Variants in SGCZ observed in about 807,000 individuals in gnomAD.
The protein encoded by SGCZ is zeta-sarcoglycan.
In SGCZ, 40 loss-of-function variants were observed where a neutral mutation model predicts 41.3. The observed-to-expected ratio is 0.97, with a 90% CI of 0.75 to 1.26. The LOEUF (loss-of-function observed/expected upper bound fraction) is 1.26. Among genes scored for constraint, SGCZ ranks in the 50% most tolerant of loss-of-function variants. The pLI, the probability that SGCZ is intolerant of heterozygous loss-of-function variation, is 0.00. For missense variants in SGCZ, 552 were observed against 369.8 expected (o/e 1.49, Z -4.04); for synonymous variants, 206 against 137.5 (o/e 1.50, Z -3.49).
chr8:14,887,913 G>A lies in SGCZ; in HGVS notation c.40-332987C>T, dbSNP rs539768598. Among the ~76,000 whole-genome samples, 15 of 152,204 alleles carry A rather than the reference G, an allele frequency of 9.9e-5. 1 individual carries two copies. The East Asian group carries it at 2.9e-3, about 29-fold the overall frequency. ...GAGTTGTATCCCATTGTGTTTACCA[G>A]AAACTGGGATCTGAGGGAAATAGGA... is the stretch of plus-strand genomic sequence containing the variant. On this transcript the variant is annotated intron_variant, in intron 1 of 7. Coordinates refer to ENST00000382080, the MANE Select transcript of SGCZ (RefSeq NM_139167.4).
chr8:14,662,069 A>G (rs1807768540), intron 1 of SGCZ, among the ~76,000 whole-genome samples: 1 of 152,170 alleles, frequency 6.6e-6, no homozygotes, highest in African/African-American at 2.4e-5. Context: ...ATCCTTTCAT[A>G]TATCTTAGAA....
intron 5 of SGCZ, among the ~76,000 whole-genome samples, chr8:14,118,865 T>C (rs1363333852): frequency 1.3e-5 from 2 of 152,218 alleles, no homozygotes; most frequent in Non-Finnish European, 2.9e-5. Flanking sequence ...AAAGATCAGA[T>C]GGTTGTGGAT....
Position 14,480,428 on chromosome 8 carries a change from C to T in SGCZ, c.234+74304G>A, listed in dbSNP as rs1287928905. ...TTGCCAAATCCACCTTATCTCCCCA[C>T]AAAATTTGAAGTTTCCTAAATTTCT... On this transcript the variant is annotated intron_variant, in intron 2 of 7. Coordinates refer to ENST00000382080, the MANE Select transcript of SGCZ (RefSeq NM_139167.4). Among the ~76,000 whole-genome samples, 3 of 152,150 alleles carry T rather than the reference C, an allele frequency of 2.0e-5. No individual in the cohort carries two copies. The South Asian group carries it at 6.2e-4, about 31-fold the overall frequency.
intron 1 of SGCZ, among the ~76,000 whole-genome samples, chr8:14,990,319 G>A (rs1801964858): frequency 6.6e-6 from 1 of 152,022 alleles, no homozygotes; most frequent in African/African-American, 2.4e-5. Flanking sequence ...TTGAGGCCAG[G>A]GTCCCTAATC....
intron 1 of SGCZ, among the ~76,000 whole-genome samples, chr8:15,161,478 C>T (rs1799510583): frequency 2.0e-5 from 3 of 152,086 alleles, no homozygotes; most frequent in Admixed American, 1.3e-4. Flanking sequence ...TTCATGAGGG[C>T]CAGGGCTGTA....
chr8:14,762,245 T>A (rs73199275), intron 1 of SGCZ, among the ~76,000 whole-genome samples: 9 of 152,158 alleles, frequency 5.9e-5, no homozygotes. Flanking sequence ...TATGGAGTCA[T>A]GAATAAATCT....
chr8:14,428,583 A>G (rs540921626), intron 2 of SGCZ, among the ~76,000 whole-genome samples: 36 of 152,308 alleles, frequency 2.4e-4, no homozygotes, highest in African/African-American at 8.4e-4. Context: ...AATTGTTTCT[A>G]CTGATCCGTG....
chr8:14,699,640 T>C (rs1473717301), intron 1 of SGCZ, among the ~76,000 whole-genome samples: 4 of 151,962 alleles, frequency 2.6e-5, no homozygotes, highest in African/African-American at 9.7e-5. Flanking sequence ...CTAAAGAGCT[T>C]CTGCACAGCA....
intron 2 of SGCZ, among the ~76,000 whole-genome samples, chr8:14,451,042 C>A (rs887992028): frequency 6.6e-6 from 1 of 152,170 alleles, no homozygotes; most frequent in African/African-American, 2.4e-5. Flanking sequence ...GCAGAGGGTA[C>A]TTGTTTTAAG....
At chr8:14,524,441 A>C (rs1802880173) in intron 2 of SGCZ, among the ~76,000 whole-genome samples, 1 of 152,018 alleles carries the variant, frequency 6.6e-6, no homozygotes, top group Non-Finnish European at 1.5e-5. Flanking sequence ...GCTGCTCTTT[A>C]TATGACCCTC....
intron 2 of SGCZ, among the ~76,000 whole-genome samples, chr8:14,387,764 C>G (rs74409064): frequency 0.049 from 7,403 of 151,784 alleles, 593 homozygotes; most frequent in African/African-American, 0.17. Context: ...TGTTATTTAC[C>G]AATTACTCCC....
At chr8:14,892,170 A>G in intron 1 of SGCZ, among the ~76,000 whole-genome samples, 1 of 152,206 alleles carries the variant, frequency 6.6e-6, no homozygotes, top group East Asian at 1.9e-4. Context: ...CTCCTGAAAG[A>G]CTGCTTACTT....
intron 1 of SGCZ, among the ~76,000 whole-genome samples, chr8:15,068,746 ACC>A (rs1805243534): frequency 6.6e-6 from 1 of 152,206 alleles, no homozygotes; most frequent in African/African-American, 2.4e-5. Context: ...ATACATTAAG[ACC>A]ATTTAAGACA....
intron 1 of SGCZ, among the ~76,000 whole-genome samples, chr8:14,603,574 A>G (rs967750100): frequency 2.0e-5 from 3 of 152,172 alleles, no homozygotes; most frequent in African/African-American, 7.2e-5. Flanking sequence ...AGATCATGAT[A>G]AAGGTTTTAG....
chr8:14,790,968 T>A (rs990477885), intron 1 of SGCZ, among the ~76,000 whole-genome samples: 3 of 151,154 alleles, frequency 2.0e-5, no homozygotes, highest in African/African-American at 7.3e-5. Flanking sequence ...GAGGCAAAGG[T>A]TGCAGTGAGC....
chr8:14,143,380 C>T (rs1225250071), intron 5 of SGCZ, among the ~76,000 whole-genome samples: 1 of 152,072 alleles, frequency 6.6e-6, no homozygotes, highest in Non-Finnish European at 1.5e-5. Flanking sequence ...ATAAAATTTT[C>T]TCTATTTGAA....
chr8:14,115,487 G>C (rs1187804182), intron 5 of SGCZ, among the ~76,000 whole-genome samples: 1 of 151,840 alleles, frequency 6.6e-6, no homozygotes, highest in African/African-American at 2.4e-5. Flanking sequence ...AGAAGATTAA[G>C]ATTCCTAGGT....
intron 2 of SGCZ, among the ~76,000 whole-genome samples, chr8:14,387,314 A>G (rs1464907301): frequency 6.6e-6 from 1 of 152,206 alleles, no homozygotes; most frequent in African/African-American, 2.4e-5. Context: ...GGTCTCCCAA[A>G]GCACTGAGAT....
intron 4 of SGCZ, among the ~76,000 whole-genome samples, chr8:14,229,788 C>T (rs1049088757): frequency 7.9e-5 from 12 of 152,030 alleles, no homozygotes; most frequent in South Asian, 4.1e-4. Flanking sequence ...ATTGCTTTAA[C>T]GCAAGATTGC....
Sources: allele counts gnomAD v4.1 joint callset (sites outside exome capture counted in the v4.1 genomes callset), GRCh38; gene constraint gnomAD v4.1.1; transcripts MANE v1.5; gene names NCBI Gene and HGNC (gene_info 2026-07-23, HGNC 2026-07-21).